Variants in OR4F15 observed in about 807,000 individuals in gnomAD.
OR4F15 encodes the protein olfactory receptor family 4 subfamily F member 15, also known as olfactory receptor 4F15.
Under a neutral mutation model 11.9 loss-of-function variants are expected in OR4F15, and 7 were observed. That is an observed-to-expected ratio of 0.59 (90% confidence interval 0.33 to 1.10). OR4F15 has a LOEUF of 1.10. OR4F15 is among the 50% of genes least tolerant of loss of function. The pLI, the probability that OR4F15 is intolerant of heterozygous loss-of-function variation, is 0.03. For synonymous variants in OR4F15, 151 were observed against 134.6 expected (o/e 1.12, Z -0.84); for missense variants, 445 against 377.5 (o/e 1.18, Z -1.48).
At chr15:101,816,696 A>G (rs1567111656) in intron 1 of OR4F15, among the ~76,000 whole-genome samples, 1 of 152,226 alleles carries the variant, frequency 6.6e-6, no homozygotes, top group African/African-American at 2.4e-5. Flanking sequence ...AATTATTTAT[A>G]AAACATAAAT....
In OR4F15 at chr15:101,818,296, C is replaced by G. The variant is rs189042619; in HGVS notation, c.110C>G (p.Ala37Gly). 1.4e-5 allele frequency: 22 copies of G among 1,613,854 alleles called. No individual in the cohort carries two copies. In the East Asian group the frequency reaches 4.7e-4, roughly 34 times the overall value. The part of the protein sequence containing the change: ...LFVFSLLFYF[A>G]SMMGNLVIVF... Reference sequence around the variant, plus strand: ...GTTTTCTCTTTGTTGTTCTACTTTGCGAGCATGATGGGAAACCTTGTCATT... The same window carrying G: ...GTTTTCTCTTTGTTGTTCTACTTTGGGAGCATGATGGGAAACCTTGTCATT... Residue 37 changes from alanine to glycine, a missense_variant, in exon 2 of 2, where the codon GCG (alanine) becomes GGG (glycine). Physicochemically the swap from Ala to Gly is moderately conservative, Grantham distance 60 (BLOSUM62 0). Coordinates refer to ENST00000332238, the MANE Select transcript of OR4F15 (RefSeq NM_001001674.2).
chr15:101,813,606 T>A (rs1596372805), intron 1 of OR4F15, among the ~76,000 whole-genome samples: 1 of 151,958 alleles, frequency 6.6e-6, no homozygotes, highest in Admixed American at 6.6e-5. Context: ...ATTTCCTGGA[T>A]GGGTAAATAA....
Position 101,818,814 on chromosome 15 carries a change from T to C in OR4F15, c.628T>C (p.Ser210Pro). 2 of 1,614,182 alleles carry C rather than the reference T, an allele frequency of 1.2e-6. No individual in the cohort carries two copies. The highest frequency in any genetic ancestry group is 1.7e-6 in the Non-Finnish European group (2 of 1,180,014). ...CAATAGTGGACTCATTTCTGTGGGC[T>C]CCTTTGTCTTGCTGGTAATTTCCTA... ...TVNSGLISVG[S>P]FVLLVISYIF... The change falls in exon 2 of 2, where the codon TCC (serine) becomes CCC (proline). Residue 210 changes from serine (S) to proline (P), a missense_variant. By Grantham distance (74) the Ser-to-Pro change is moderately conservative (BLOSUM62 -1). Coordinates refer to ENST00000332238, the MANE Select transcript of OR4F15 (RefSeq NM_001001674.2).
At position 101,818,315 on chromosome 15, in the gene OR4F15, T is replaced by C. The variant is rs1903030331; in HGVS notation, c.129T>C (p.Leu43=). 1 of 1,614,112 alleles carries C rather than the reference T, an allele frequency of 6.2e-7. No homozygotes were observed. Among genetic ancestry groups the C allele is most frequent in the South Asian group, 1.1e-5 (1 of 91,078 alleles). Residue 43 remains leucine, a synonymous_variant, in exon 2 of 2, where the codon CTT becomes CTC. Coordinates refer to ENST00000332238, the MANE Select transcript of OR4F15 (RefSeq NM_001001674.2). The part of the protein sequence containing the change: ...LFYFASMMGN[L]VIVFTVTMDA... Reference sequence around the variant, plus strand: ...ACTTTGCGAGCATGATGGGAAACCTTGTCATTGTATTCACTGTAACCATGG... The same window carrying C: ...ACTTTGCGAGCATGATGGGAAACCTCGTCATTGTATTCACTGTAACCATGG...
intron 1 of OR4F15, among the ~76,000 whole-genome samples, chr15:101,817,599 T>G (rs1903012559): frequency 6.6e-6 from 1 of 152,158 alleles, no homozygotes; most frequent in South Asian, 2.1e-4. Context: ...TTGGGAAGAT[T>G]TCACACATAA....
At chr15:101,813,894 A>G (rs1260371300) in intron 1 of OR4F15, among the ~76,000 whole-genome samples, 4 of 152,216 alleles carry the variant, frequency 2.6e-5, no homozygotes, top group Admixed American at 2.6e-4. Context: ...ATTGAGAGCA[A>G]TAGCCAGGCC....
chr15:101,817,653 G>A (rs1473265248), intron 1 of OR4F15, among the ~76,000 whole-genome samples: 1 of 152,078 alleles, frequency 6.6e-6, no homozygotes, highest in Non-Finnish European at 1.5e-5. Context: ...TTTGTGAACT[G>A]GAGAATAGAA....
At chr15:101,817,758 C>T (rs1903015590) in intron 1 of OR4F15, among the ~76,000 whole-genome samples, 1 of 152,136 alleles carries the variant, frequency 6.6e-6, no homozygotes, top group Admixed American at 6.6e-5. Flanking sequence ...AAGCTGTATG[C>T]TGTGCATGAG....
In OR4F15 at chr15:101,812,211, G is replaced by A. The variant is rs1902919230; in HGVS notation, c.-99G>A. 1 of 152,138 alleles carries A rather than the reference G, an allele frequency of 6.6e-6. No individual in the cohort carries two copies. The allele number at this position is 152,138 out of a possible 1,614,324, so 9.4% of individuals were successfully genotyped here. ...TGTAAATAGCTACAAGGTAAGGATG[G>A]CATGAAGTTCACAATGGGAGCATGA... On this transcript the variant is annotated 5_prime_UTR_variant, in exon 1 of 2. Coordinates refer to ENST00000332238, the MANE Select transcript of OR4F15 (RefSeq NM_001001674.2).
chr15:101,816,247 CGATGACAGAAGTTGAGGTTGGAGT>C (rs1209174879), intron 1 of OR4F15, among the ~76,000 whole-genome samples: 1 of 152,096 alleles, frequency 6.6e-6, no homozygotes, highest in Non-Finnish European at 1.5e-5. Flanking sequence ...AGAGGAGATG[CGATGACAGAAGTTGAGGTTGGAGT>C]GATGAACTTT....
chr15:101,815,114 A>G (rs1438607391), intron 1 of OR4F15, among the ~76,000 whole-genome samples: 1 of 152,168 alleles, frequency 6.6e-6, no homozygotes, highest in Non-Finnish European at 1.5e-5. Flanking sequence ...AGTTCAGGTC[A>G]TGAGGATTTA....
Position 101,818,945 on chromosome 15 carries a change from A to T in OR4F15, c.759A>T (p.Pro253=). Residue 253 remains proline (P), a synonymous_variant, in exon 2 of 2, where the codon CCA becomes CCT. Transcript: ENST00000332238. ...HVTVVILFFG[P]LMFFYTWPSP... is the part of the protein sequence containing the mutation. ...CTGTGGTCATCTTGTTCTTTGGGCC[A>T]CTGATGTTTTTCTACACATGGCCTT... 6.2e-7 allele frequency: 1 copy of T among 1,614,118 alleles called. No homozygotes were observed. The highest frequency in any genetic ancestry group is 8.5e-7 in the Non-Finnish European group (1 of 1,180,016).
At position 101,818,523 on chromosome 15, in the gene OR4F15, G is replaced by A. The variant is rs981948642; in HGVS notation, c.337G>A (p.Val113Met). Residue 113 changes from valine to methionine, a missense_variant, in exon 2 of 2, where the codon GTG becomes ATG. Val to Met is a conservative substitution (Grantham distance 21). Coordinates refer to ENST00000332238, the MANE Select transcript of OR4F15 (RefSeq NM_001001674.2). ...FSHALGGTEM[V>M]LLIAMAFDRY... ...CCATGCTCTTGGGGGCACTGAGATG[G>A]TGCTGCTCATAGCCATGGCCTTTGA... 5 of 1,613,916 alleles carry A rather than the reference G, an allele frequency of 3.1e-6. No individual in the cohort carries two copies. Among genetic ancestry groups the A allele is most frequent in the African/African-American group, 1.3e-5 (1 of 74,920 alleles).
intron 1 of OR4F15, among the ~76,000 whole-genome samples, chr15:101,817,376 C>CA (rs1903007605): frequency 6.6e-6 from 1 of 152,180 alleles, no homozygotes; most frequent in African/African-American, 2.4e-5. Flanking sequence ...TTTACGCCTT[C>CA]ATTCAACAAG....
intron 1 of OR4F15, among the ~76,000 whole-genome samples, chr15:101,816,063 CT>C (rs1383761149): frequency 2.6e-5 from 4 of 152,068 alleles, no homozygotes; most frequent in African/African-American, 9.7e-5. Context: ...CCTAAAACAC[CT>C]GTTCACAGTA....
chr15:101,812,523 G>T (rs1902923966), intron 1 of OR4F15, among the ~76,000 whole-genome samples: 1 of 152,176 alleles, frequency 6.6e-6, no homozygotes, highest in African/African-American at 2.4e-5. Context: ...GGTATCCAGA[G>T]ACTTTTGGGG....
intron 1 of OR4F15, among the ~76,000 whole-genome samples, chr15:101,816,780 C>T (rs1224438594): frequency 6.6e-6 from 1 of 152,128 alleles, no homozygotes; most frequent in East Asian, 1.9e-4. Context: ...GTTCTTCATC[C>T]TTAAAGAATC....
Position 101,819,143 on chromosome 15 carries a change from A to T in OR4F15, c.*18A>T. The T allele has an allele frequency of 6.7e-7, 1 of 1,495,768 alleles. No individual in the cohort carries two copies. The highest frequency in any genetic ancestry group is 9.1e-7 in the Non-Finnish European group (1 of 1,095,030). The allele number at this position is 1,495,768 out of a possible 1,614,324, so 92.7% of individuals were successfully genotyped here. ...TTTTGTAAATGGCTTGGCTGTCAAGATGTGTAACTATGGATTACTCCTCAT... is the reference window on the plus strand; with the variant it reads ...TTTTGTAAATGGCTTGGCTGTCAAGTTGTGTAACTATGGATTACTCCTCAT... On this transcript the variant is annotated 3_prime_UTR_variant, in exon 2 of 2. Transcript: ENST00000332238.
In OR4F15 at chr15:101,819,295, G is replaced by T. The variant is rs1191260590; in HGVS notation, c.*170G>T. 6.9e-6 allele frequency: 4 copies of T among 580,106 alleles called. No individual in the cohort carries two copies. Among genetic ancestry groups the T allele is most frequent in the Admixed American group, 6.2e-5 (2 of 32,154 alleles). 35.9% of individuals were successfully genotyped at this position (580,106 alleles called of 1,614,324 possible). ...TAAATTAGAAGTGATGTTATCCTTT[G>T]GCACAGTGTGCATCAAAGTGCTAAA... On this transcript the variant is annotated 3_prime_UTR_variant, in exon 2 of 2. Coordinates refer to ENST00000332238, the MANE Select transcript of OR4F15 (RefSeq NM_001001674.2).
Sources: allele counts gnomAD v4.1 joint callset (sites outside exome capture counted in the v4.1 genomes callset), GRCh38; gene constraint gnomAD v4.1.1; transcripts MANE v1.5; gene names NCBI Gene and HGNC (gene_info 2026-07-23, HGNC 2026-07-21).